PPM1L: variants seen among roughly 807,000 people sequenced by gnomAD.
PPM1L encodes the protein protein phosphatase 1L.
In PPM1L, 13 loss-of-function variants were observed where a neutral mutation model predicts 31.4. That is an observed-to-expected ratio of 0.41 (90% CI 0.27 to 0.66). PPM1L has a LOEUF of 0.66. PPM1L is among the 30% of genes least tolerant of loss of function. The pLI is 0.29. For missense variants in PPM1L, 326 were observed against 453.7 expected (o/e 0.72, Z 2.56); for synonymous variants, 184 against 175.4 (o/e 1.05, Z -0.39).
At chr3:160,885,639 C>T (rs929750648) in intron 1 of PPM1L, among the ~76,000 whole-genome samples, 4 of 152,234 alleles carry the variant, frequency 2.6e-5, no homozygotes, top group Admixed American at 2.6e-4. Flanking sequence ...AGCCCCCAAC[C>T]CACAGCCAAG....
At position 161,046,934 on chromosome 3, in the gene PPM1L, G is replaced by A. The variant is rs554546166; in HGVS notation, c.575-18469G>A. ...TCAATAAATTCGGTATTGATGGGAC[G>A]TATCTCAAAATAATAAGAGCTACTT... On this transcript the variant is annotated intron_variant, in intron 2 of 3. Transcript: ENST00000498165. Among the ~76,000 whole-genome samples the A allele has an allele frequency of 2.6e-4, 40 of 152,218 alleles. 1 individual carries two copies. In the South Asian group the frequency reaches 6.4e-3, roughly 24 times the overall value.
At chr3:160,908,528 T>C (rs1252153717) in intron 1 of PPM1L, among the ~76,000 whole-genome samples, 5 of 152,206 alleles carry the variant, frequency 3.3e-5, no homozygotes, top group African/African-American at 1.2e-4. Context: ...CTACTTTCTT[T>C]TTTTTTAAAG....
rs577299656 is a variant in PPM1L, at chr3:161,073,054, T to A, written c.*3897T>A. The A allele has an allele frequency of 6.6e-6, 1 of 152,218 alleles. No homozygotes were observed. Among genetic ancestry groups the A allele is most frequent in the South Asian group, 2.1e-4 (1 of 4,838 alleles). The allele number at this position is 152,218 out of a possible 1,614,324, so 9.4% of individuals were successfully genotyped here. A position where few individuals can be genotyped will look rare whatever the true frequency, so the allele number is the denominator to read the frequency against. On this transcript the variant is annotated 3_prime_UTR_variant, in exon 4 of 4. Coordinates refer to ENST00000498165, the MANE Select transcript of PPM1L (RefSeq NM_139245.4). Reference sequence around the variant, plus strand: ...GCTAGACTTTTGAGCTAGTTAGCTGTAGAAATAATAGAATCCAGTGTTTCC... The same window carrying A: ...GCTAGACTTTTGAGCTAGTTAGCTGAAGAAATAATAGAATCCAGTGTTTCC...
intron 2 of PPM1L, among the ~76,000 whole-genome samples, chr3:161,010,697 C>A (rs1314846039): frequency 2.0e-5 from 3 of 152,142 alleles, no homozygotes; most frequent in African/African-American, 7.2e-5. Flanking sequence ...TGTTTCCTGA[C>A]TTTTTAATGA....
chr3:160,775,899 C>T (rs909796271), intron 1 of PPM1L, among the ~76,000 whole-genome samples: 6 of 152,120 alleles, frequency 3.9e-5, no homozygotes, highest in African/African-American at 1.4e-4. Flanking sequence ...TATCAGCTGC[C>T]TGGGGGGCAG....
chr3:160,765,309 C>G (rs143573308), intron 1 of PPM1L, among the ~76,000 whole-genome samples: 26 of 152,164 alleles, frequency 1.7e-4, no homozygotes, highest in Non-Finnish European at 3.2e-4. Context: ...TTGGTTGAAG[C>G]CCTACAGATC....
chr3:160,960,804 T>C (rs963742273), intron 1 of PPM1L, among the ~76,000 whole-genome samples: 1 of 152,118 alleles, frequency 6.6e-6, no homozygotes, highest in Non-Finnish European at 1.5e-5. Flanking sequence ...TTAATTATGC[T>C]CATAAAATTC....
chr3:160,873,535 A>G (rs911909293), intron 1 of PPM1L, among the ~76,000 whole-genome samples: 1 of 150,928 alleles, frequency 6.6e-6, no homozygotes, highest in African/African-American at 2.5e-5. Flanking sequence ...ACCTTGCTCT[A>G]GTAGAATTAT....
chr3:160,888,278 C>T (rs1713004783), intron 1 of PPM1L, among the ~76,000 whole-genome samples: 2 of 152,170 alleles, frequency 1.3e-5, no homozygotes, highest in South Asian at 4.1e-4. Flanking sequence ...GTGCCATATT[C>T]AGGAGACCCA....
chr3:160,823,143 T>A (rs1713252088), intron 1 of PPM1L, among the ~76,000 whole-genome samples: 1 of 152,092 alleles, frequency 6.6e-6, no homozygotes, highest in African/African-American at 2.4e-5. Flanking sequence ...CCTGGAAGGT[T>A]GCCAGGGTAG....
At chr3:160,996,269 T>C (rs774598966) in intron 2 of PPM1L, among the ~76,000 whole-genome samples, 1 of 152,140 alleles carries the variant, frequency 6.6e-6, no homozygotes, top group Non-Finnish European at 1.5e-5. Context: ...TACCATTCGA[T>C]CCAGCAATCC....
chr3:160,758,361 T>A lies in PPM1L; in HGVS notation c.399+1654T>A, dbSNP rs1159187313. 6.6e-5 allele frequency among the ~76,000 whole-genome samples: 10 copies of A among 152,310 alleles called. No homozygotes were observed. In the South Asian group the frequency reaches 1.5e-3, roughly 22 times the overall value. ...TTTTTGTGCCTAAATTCAATGAGGGTGAAGGAAGCTGTGATTCCTTCCTTT... is the reference window on the plus strand; with the variant it reads ...TTTTTGTGCCTAAATTCAATGAGGGAGAAGGAAGCTGTGATTCCTTCCTTT... On this transcript the variant is annotated intron_variant, in intron 1 of 3. Coordinates refer to ENST00000498165, the MANE Select transcript of PPM1L (RefSeq NM_139245.4).
intron 1 of PPM1L, among the ~76,000 whole-genome samples, chr3:160,931,801 C>G (rs1036450197): frequency 2.6e-5 from 4 of 152,134 alleles, no homozygotes; most frequent in African/African-American, 9.7e-5. Flanking sequence ...ATGTTTTCTT[C>G]TTCAGATGGT....
chr3:160,835,067 C>CTTT (rs1560120539), intron 1 of PPM1L, among the ~76,000 whole-genome samples: 3,815 of 148,962 alleles, frequency 0.026, 174 homozygotes, highest in African/African-American at 0.09. Flanking sequence ...TCTTCTTCTT[C>CTTT]TTCTTCTTCT....
At chr3:161,018,564 A>G (rs1718150303) in intron 2 of PPM1L, among the ~76,000 whole-genome samples, 1 of 152,194 alleles carries the variant, frequency 6.6e-6, no homozygotes, top group Admixed American at 6.5e-5. Context: ...TTAGCATTTT[A>G]ATGAAATGGA....
chr3:160,809,444 C>G (rs1486451980), intron 1 of PPM1L, among the ~76,000 whole-genome samples: 1 of 152,088 alleles, frequency 6.6e-6, no homozygotes, highest in Non-Finnish European at 1.5e-5. Context: ...CAATGTCTGG[C>G]TCCAAATGGT....
chr3:160,973,793 TAA>T (rs1716446138), intron 2 of PPM1L, among the ~76,000 whole-genome samples: 1 of 133,194 alleles, frequency 7.5e-6, no homozygotes, highest in Non-Finnish European at 1.6e-5. Flanking sequence ...TTTTTTTTTT[TAA>T]CCAAGACTTG....
chr3:160,989,521 C>T (rs1245014380), intron 2 of PPM1L, among the ~76,000 whole-genome samples: 1 of 151,920 alleles, frequency 6.6e-6, no homozygotes, highest in African/African-American at 2.4e-5. Context: ...TCTCCTGCCT[C>T]AGCCTCCCGA....
At chr3:161,046,291 T>A (rs1487700888) in intron 2 of PPM1L, among the ~76,000 whole-genome samples, 2 of 151,670 alleles carry the variant, frequency 1.3e-5, no homozygotes, top group African/African-American at 4.8e-5. Flanking sequence ...CAAACTACCA[T>A]CAGAGAATAC....
Sources: gnomAD v4.1 joint callset for allele counts (sites outside exome capture counted in the v4.1 genomes callset) on GRCh38, gnomAD v4.1.1 for gene constraint, MANE v1.5 for transcripts, NCBI Gene and HGNC (gene_info 2026-07-23, HGNC 2026-07-21) for gene names.